The following UBE2D1 variants were observed in gnomAD, a reference collection of about 807,000 sequenced individuals.
The protein encoded by UBE2D1 is ubiquitin conjugating enzyme E2 D1, also known as ubiquitin-conjugating enzyme E2 D1.
A neutral mutation model predicts 24.6 loss-of-function variants in UBE2D1; 9 were observed. The ratio of observed to expected loss-of-function variants is 0.37; its 90% CI spans 0.22 to 0.64. The LOEUF (loss-of-function observed/expected upper bound fraction) is 0.64, where lower values mean the gene tolerates loss of function less well. Among genes scored for constraint, UBE2D1 ranks in the 30% least tolerant of loss-of-function variants. UBE2D1 has a pLI of 0.64. For missense variants in UBE2D1, 87 were observed against 177.1 expected, an observed-to-expected ratio of 0.49 and a Z score of 2.89; for synonymous variants, 57 against 57.6, an observed-to-expected ratio of 0.99 and a Z score of 0.04.
At position 58,335,048 on chromosome 10, in the gene UBE2D1, G is replaced by T. The variant is rs189248561; in HGVS notation, c.-154G>T. 1,103 of 757,020 alleles carry T rather than the reference G, an allele frequency of 1.5e-3. 12 individuals are homozygous for T. In the African/African-American group the frequency reaches 0.018, roughly 13 times the overall value. 46.9% of individuals were successfully genotyped at this position (757,020 alleles called of 1,614,324 possible). On this transcript the variant is annotated 5_prime_UTR_variant, in exon 1 of 7. Coordinates refer to ENST00000373910, the MANE Select transcript of UBE2D1 (RefSeq NM_003338.5). Reference sequence around the variant, plus strand: ...CGCGCTCGGGCGCACACGGAGCAGGGACCGGCGCCCGGAGCGAGCCAGGGA... The same window carrying T: ...CGCGCTCGGGCGCACACGGAGCAGGTACCGGCGCCCGGAGCGAGCCAGGGA...
intron 1 of UBE2D1, among the ~76,000 whole-genome samples, chr10:58,350,950 A>G (rs370565329): frequency 1.4e-4 from 21 of 152,342 alleles, no homozygotes; most frequent in African/African-American, 4.6e-4. Context: ...ACTGTAGGCA[A>G]TTGTAACACA....
At chr10:58,363,050 G>T (rs1224553578) in intron 3 of UBE2D1, among the ~76,000 whole-genome samples, 2 of 151,434 alleles carry the variant, frequency 1.3e-5, no homozygotes, top group Non-Finnish European at 2.9e-5. Flanking sequence ...GGATTTTTTT[G>T]GGTTCTCTAC....
At chr10:58,352,569 G>A (rs1433652880) in intron 1 of UBE2D1, among the ~76,000 whole-genome samples, 2 of 151,964 alleles carry the variant, frequency 1.3e-5, no homozygotes, top group Non-Finnish European at 1.5e-5. Flanking sequence ...GGCAACATAA[G>A]GAGACCCCCA....
chr10:58,335,409 C>T (rs1273673406), intron 1 of UBE2D1, among the ~76,000 whole-genome samples, 184 bp downstream of exon 1: 1 of 152,222 alleles, frequency 6.6e-6, no homozygotes, highest in African/African-American at 2.4e-5. Context: ...GGAGCAGGGT[C>T]AGGTCCCAGG....
chr10:58,344,116 G>A (rs1048535723), intron 1 of UBE2D1, among the ~76,000 whole-genome samples: 1 of 152,110 alleles, frequency 6.6e-6, no homozygotes. Flanking sequence ...AATAGTATTC[G>A]TTTCTAACCT....
rs184702346 is a variant in UBE2D1 at position 58,365,019 on chromosome 10, A to G, written c.304+143A>G. 5.2e-4 allele frequency: 329 copies of G among 629,174 alleles called. 2 individuals are homozygous for G. In the African/African-American group the frequency reaches 5.6e-3, roughly 11 times the overall value. 39.0% of individuals were successfully genotyped at this position (629,174 alleles called of 1,614,324 possible). ...ATTTTGTTTTGCTCTCTTTGCTCTT[A>G]TGTTACTATGGCTTTTGGCAGTTAG... On this transcript the variant is annotated intron_variant, in intron 5 of 6. Transcript: ENST00000373910.
At chr10:58,346,049 C>T (rs2132318360) in intron 1 of UBE2D1, among the ~76,000 whole-genome samples, 1 of 149,168 alleles carries the variant, frequency 6.7e-6, no homozygotes, top group Non-Finnish European at 1.5e-5. Context: ...CTCACTCTGT[C>T]ACCCAGGCTG....
intron 1 of UBE2D1, among the ~76,000 whole-genome samples, chr10:58,347,209 A>T (rs1357348448): frequency 6.6e-6 from 1 of 152,136 alleles, no homozygotes; most frequent in Non-Finnish European, 1.5e-5. Context: ...AGAGGGAGGG[A>T]TCTAGACAGA....
At chr10:58,367,721 G>A (rs956729176) in intron 5 of UBE2D1, among the ~76,000 whole-genome samples, 2 of 152,054 alleles carry the variant, frequency 1.3e-5, no homozygotes, top group Non-Finnish European at 2.9e-5. Context: ...TATATTTTAT[G>A]CATCCTATGG....
intron 1 of UBE2D1, among the ~76,000 whole-genome samples, chr10:58,359,472 A>G (rs571732587): frequency 5.3e-5 from 8 of 152,172 alleles, no homozygotes; most frequent in South Asian, 2.1e-4. Flanking sequence ...TGATTTTCCA[A>G]TTTCTATCCT....
In UBE2D1 at chr10:58,367,922, G is replaced by A; in HGVS notation, c.305-1G>A. The A allele has an allele frequency of 6.3e-7, 1 of 1,598,052 alleles. No individual in the cohort carries two copies. The highest frequency in any genetic ancestry group is 8.6e-7 in the Non-Finnish European group (1 of 1,166,830). On this transcript the variant is annotated splice_acceptor_variant, in intron 5 of 6. Coordinates refer to ENST00000373910, the MANE Select transcript of UBE2D1 (RefSeq NM_003338.5). LOFTEE classifies it high-confidence loss of function. ...AATGTGATGTTCTCTTTTAAATCTA[G>A]TTTTATTGTCCATATGTTCTCTACT...
chr10:58,368,025 T>C lies in UBE2D1; in HGVS notation c.398+9T>C, dbSNP rs1442962416. On this transcript the variant is annotated intron_variant, in intron 6 of 6. Transcript: ENST00000373910. ...AAATCAGACAAAGAAAAGTAAGTGT[T>C]TACTTATTTTAGTTTCTGTATGGAT... 6.3e-7 allele frequency: 1 copy of C among 1,589,194 alleles called. No individual in the cohort carries two copies.
rs547054155 is a variant in UBE2D1, at chr10:58,339,767, T to G, written c.24+4542T>G. Among the ~76,000 whole-genome samples, 19 of 152,150 alleles carry G rather than the reference T, an allele frequency of 1.2e-4. No homozygotes were observed. The South Asian group carries it at 1.7e-3, about 13-fold the overall frequency. ...CTTCAATTCCACATTCCTTTTTTTT[T>G]TTTTCAGTCTTAGAATCTTTTATTT... On this transcript the variant is annotated intron_variant, in intron 1 of 6. Transcript: ENST00000373910.
At position 58,356,044 on chromosome 10, in the gene UBE2D1, C is replaced by A. The variant is rs187583179; in HGVS notation, c.25-5294C>A. ...TAATATATATGTAGAGGAAAAAAAACCAATGCCATTTTATCTCTTTTTTTA... is the reference window on the plus strand; with the variant it reads ...TAATATATATGTAGAGGAAAAAAAAACAATGCCATTTTATCTCTTTTTTTA... On this transcript the variant is annotated intron_variant, in intron 1 of 6. Transcript: ENST00000373910. Among the ~76,000 whole-genome samples, 804 of 152,082 alleles carry A rather than the reference C, an allele frequency of 5.3e-3. 11 individuals carry two copies. Among genetic ancestry groups the A allele is most frequent in the Non-Finnish European group, 3.5e-3 (236 of 67,942 alleles).
At chr10:58,344,192 T>C (rs559657268) in intron 1 of UBE2D1, among the ~76,000 whole-genome samples, 2 of 152,314 alleles carry the variant, frequency 1.3e-5, no homozygotes, top group Admixed American at 6.5e-5. Context: ...TATCACACTT[T>C]TGTTTCTCTG....
chr10:58,349,606 C>CT lies in UBE2D1; in HGVS notation c.25-11724dup, dbSNP rs530607990. ...TATATGAATTCTATAGATCCTTGCC[C>CT]TTTTTTTTATGTTATCATTATGTTA... On this transcript the variant is annotated intron_variant, in intron 1 of 6. Transcript: ENST00000373910. 2.5e-3 allele frequency among the ~76,000 whole-genome samples: 374 copies of CT among 151,918 alleles called. 1 individual carries two copies. Among genetic ancestry groups the CT allele is most frequent in the Non-Finnish European group, 4.7e-3 (317 of 67,940 alleles).
intron 6 of UBE2D1, chr10:58,368,516 A>G (rs1402175444): frequency 2.8e-6 from 1 of 359,972 alleles, no homozygotes; most frequent in East Asian, 4.1e-5. Context: ...ATTTTCATAT[A>G]GGTTGCAGAG....
chr10:58,337,671 T>C (rs1310918743), intron 1 of UBE2D1, among the ~76,000 whole-genome samples: 4 of 151,994 alleles, frequency 2.6e-5, no homozygotes, highest in Non-Finnish European at 4.4e-5. Flanking sequence ...TAAGGCAGTG[T>C]CTTAGAATCA....
At chr10:58,349,368 G>T (rs1588998915) in intron 1 of UBE2D1, among the ~76,000 whole-genome samples, 1 of 152,072 alleles carries the variant, frequency 6.6e-6, no homozygotes, top group African/African-American at 2.4e-5. Context: ...ATCTGTTTAG[G>T]TATAGGGTTG....
Sources: allele counts gnomAD v4.1 joint callset (sites outside exome capture counted in the v4.1 genomes callset), GRCh38; gene constraint gnomAD v4.1.1; transcripts MANE v1.5; gene names NCBI Gene and HGNC (gene_info 2026-07-23, HGNC 2026-07-21).